STXBP6: variants seen among roughly 807,000 people sequenced by gnomAD.
STXBP6 encodes syntaxin-binding protein 6.
In STXBP6, 21 loss-of-function variants were observed where a neutral mutation model predicts 26.9. The ratio of observed to expected loss-of-function variants is 0.78; its 90% CI spans 0.55 to 1.12. The LOEUF is 1.12. Among genes scored for constraint, STXBP6 ranks in the 50% most tolerant of loss-of-function variants. STXBP6 has a pLI of 0.00. For missense variants in STXBP6, 232 were observed against 257.9 expected (o/e 0.90, Z 0.69); for synonymous variants, 97 against 92.6 (o/e 1.05, Z -0.27).
At chr14:24,991,284 A>C (rs1382131381) in intron 1 of STXBP6, among the ~76,000 whole-genome samples, 1 of 152,182 alleles carries the variant, frequency 6.6e-6, no homozygotes, top group Non-Finnish European at 1.5e-5. Flanking sequence ...TTCTTTTCCT[A>C]AAGTAATTGG....
intron 1 of STXBP6, among the ~76,000 whole-genome samples, chr14:24,992,654 C>T (rs763231974): frequency 5.9e-5 from 9 of 152,056 alleles, no homozygotes; most frequent in Admixed American, 2.0e-4. Context: ...AACAAGTGGC[C>T]GACCCACAAG....
chr14:24,918,053 C>G, intron 2 of STXBP6, among the ~76,000 whole-genome samples: 1 of 151,876 alleles, frequency 6.6e-6, no homozygotes, highest in East Asian at 1.9e-4. Context: ...GTAAGATGTC[C>G]AGGATAGGTA....
At chr14:24,954,824 G>C (rs1269811731) in intron 2 of STXBP6, among the ~76,000 whole-genome samples, 1 of 152,338 alleles carries the variant, frequency 6.6e-6, no homozygotes, top group African/African-American at 2.4e-5. Context: ...ACATAGAAGT[G>C]GCTTTAGGAA....
intron 4 of STXBP6, among the ~76,000 whole-genome samples, chr14:24,836,393 T>C (rs879724499): frequency 1.3e-5 from 2 of 152,028 alleles, no homozygotes; most frequent in African/African-American, 2.4e-5. Context: ...GGTTAGCAGC[T>C]CGAGACCAGT....
intron 1 of STXBP6, among the ~76,000 whole-genome samples, chr14:25,001,285 C>G (rs564694831): frequency 2.6e-5 from 4 of 152,302 alleles, no homozygotes; most frequent in African/African-American, 9.6e-5. Context: ...GCATAAGACT[C>G]ACAAGAATTC....
At chr14:25,043,559 C>A (rs2075676206) in intron 1 of STXBP6, among the ~76,000 whole-genome samples, 1 of 152,158 alleles carries the variant, frequency 6.6e-6, no homozygotes, top group Non-Finnish European at 1.5e-5. Flanking sequence ...TGAACATTTT[C>A]ATCACCCCAG....
intron 2 of STXBP6, among the ~76,000 whole-genome samples, chr14:24,865,332 G>T (rs1449846319): frequency 6.6e-6 from 1 of 151,976 alleles, no homozygotes; most frequent in Non-Finnish European, 1.5e-5. Context: ...TTACTGCTTT[G>T]AGAGAGTTTC....
At chr14:24,932,279 T>C (rs2072443706) in intron 2 of STXBP6, among the ~76,000 whole-genome samples, 1 of 152,160 alleles carries the variant, frequency 6.6e-6, no homozygotes, top group Non-Finnish European at 1.5e-5. Flanking sequence ...TGGTAGCGGG[T>C]GCCTGTAGTC....
rs1463081259 is a variant in STXBP6 at position 24,811,174 on chromosome 14, T to C, written c.*1535A>G. ...CTCCCTTTTAATGTGCACCATCTGATATTTTTACCCCCAGTAGACAAACTT... is the reference window on the plus strand; with the variant it reads ...CTCCCTTTTAATGTGCACCATCTGACATTTTTACCCCCAGTAGACAAACTT... On this transcript the variant is annotated 3_prime_UTR_variant, in exon 6 of 6. Transcript: ENST00000323944. The C allele has an allele frequency of 6.6e-6, 1 of 152,194 alleles. No homozygotes were observed. The highest frequency in any genetic ancestry group is 1.5e-5 in the Non-Finnish European group (1 of 68,032). The allele number at this position is 152,194 out of a possible 1,614,324, so 9.4% of individuals were successfully genotyped here. A position where few individuals can be genotyped will look rare whatever the true frequency, so the allele number is the denominator to read the frequency against.
intron 4 of STXBP6, among the ~76,000 whole-genome samples, chr14:24,853,638 A>G (rs1442619653): frequency 6.6e-6 from 1 of 152,118 alleles, no homozygotes; most frequent in Non-Finnish European, 1.5e-5. Context: ...GGAAAACTGA[A>G]GTCTAGAGCA....
intron 5 of STXBP6, among the ~76,000 whole-genome samples, chr14:24,813,029 A>G (rs552294860): frequency 6.6e-6 from 1 of 152,324 alleles, no homozygotes; most frequent in South Asian, 2.1e-4. Flanking sequence ...GAACAAATGA[A>G]AAAACCAATG....
intron 1 of STXBP6, among the ~76,000 whole-genome samples, chr14:25,021,788 C>T (rs2075267223): frequency 6.6e-6 from 1 of 152,166 alleles, no homozygotes. Flanking sequence ...TTTCTCTTTT[C>T]ATTCTATACA....
intron 1 of STXBP6, among the ~76,000 whole-genome samples, chr14:25,000,056 G>A (rs2074715832): frequency 6.6e-6 from 1 of 151,836 alleles, no homozygotes; most frequent in South Asian, 2.1e-4. Context: ...TGTAGGACAC[G>A]CTTCAAATAA....
At chr14:24,822,249 G>A (rs764143122) in intron 4 of STXBP6, among the ~76,000 whole-genome samples, 1 of 152,042 alleles carries the variant, frequency 6.6e-6, no homozygotes, top group African/African-American at 2.4e-5. Flanking sequence ...GGAAATCTGG[G>A]AGTCTAGTCT....
chr14:25,012,901 G>A (rs951339009), intron 1 of STXBP6, among the ~76,000 whole-genome samples: 1 of 152,004 alleles, frequency 6.6e-6, no homozygotes, highest in Non-Finnish European at 1.5e-5. Context: ...GATTCCCATC[G>A]GCCAAAGATG....
intron 2 of STXBP6, among the ~76,000 whole-genome samples, chr14:24,870,878 CACA>C (rs2069905456): frequency 6.6e-6 from 1 of 152,162 alleles, no homozygotes; most frequent in South Asian, 2.1e-4. Flanking sequence ...AAATACGAAA[CACA>C]ACAAGTTCAC....
intron 1 of STXBP6, among the ~76,000 whole-genome samples, chr14:24,975,958 T>C (rs911507699): frequency 6.6e-6 from 1 of 152,160 alleles, no homozygotes; most frequent in South Asian, 2.1e-4. Flanking sequence ...AGAGGGCCCA[T>C]GGGTTGGACA....
chr14:24,928,526 C>T (rs796733480), intron 2 of STXBP6, among the ~76,000 whole-genome samples: 34 of 152,144 alleles, frequency 2.2e-4, no homozygotes, highest in Admixed American at 2.2e-3. Flanking sequence ...TATTAACAAC[C>T]TCATACTGTG....
chr14:24,953,439 CTTT>C (rs2073236744), intron 2 of STXBP6, among the ~76,000 whole-genome samples: 1 of 152,168 alleles, frequency 6.6e-6, no homozygotes, highest in African/African-American at 2.4e-5. Context: ...CACTGGCCTT[CTTT>C]GTGTTCCTCC....
Sources: gnomAD v4.1 joint callset for allele counts (sites outside exome capture counted in the v4.1 genomes callset) on GRCh38, gnomAD v4.1.1 for gene constraint, MANE v1.5 for transcripts, NCBI Gene and HGNC (gene_info 2026-07-23, HGNC 2026-07-21) for gene names.